PLCL2: variants seen among roughly 807,000 people sequenced by gnomAD.
PLCL2 encodes phospholipase C like 2.
PLCL2 carries 4 observed loss-of-function variants against 79.6 expected under a neutral mutation model. The observed-to-expected ratio is 0.05, with a 90% CI of 0.02 to 0.11. PLCL2 has a LOEUF of 0.11. Among genes scored for constraint, PLCL2 ranks in the 10% least tolerant of loss-of-function variants. The probability of loss-of-function intolerance (pLI) is 1.00; values close to 1 mark genes in which losing one functional copy is unlikely to be tolerated. For missense variants in PLCL2, 895 were observed against 1,291.0 expected, an observed-to-expected ratio of 0.69 and a Z score of 4.70; for synonymous variants, 484 against 457.7, an observed-to-expected ratio of 1.06 and a Z score of -0.73.
At chr3:16,946,525 A>C (rs1275169719) in intron 1 of PLCL2, among the ~76,000 whole-genome samples, 1 of 152,134 alleles carries the variant, frequency 6.6e-6, no homozygotes, top group Non-Finnish European at 1.5e-5. Context: ...TGTGGATTAA[A>C]TAGGCTTTTC....
At chr3:16,993,701 A>G (rs2064125989) in intron 1 of PLCL2, among the ~76,000 whole-genome samples, 1 of 152,224 alleles carries the variant, frequency 6.6e-6, no homozygotes, top group Admixed American at 6.5e-5. Context: ...TTAAGCTTGC[A>G]TTATAATACT....
intron 1 of PLCL2, among the ~76,000 whole-genome samples, chr3:16,947,135 T>TC (rs1451549992): frequency 6.6e-6 from 1 of 151,578 alleles, no homozygotes; most frequent in Admixed American, 6.6e-5. Context: ...TTATTTTTTT[T>TC]TTTTTAGAGA....
chr3:16,956,090 C>T (rs1204516343), intron 1 of PLCL2, among the ~76,000 whole-genome samples: 1 of 152,148 alleles, frequency 6.6e-6, no homozygotes, highest in African/African-American at 2.4e-5. Context: ...TGAGAGAGGG[C>T]ATGCCTGTCT....
chr3:17,043,062 A>G, intron 4 of PLCL2, 113 bp downstream of exon 4: 2 of 720,764 alleles, frequency 2.8e-6, no homozygotes, highest in Admixed American at 2.1e-5. Flanking sequence ...TAAGAAAATT[A>G]TTTTTCTATG....
At chr3:16,939,817 A>G (rs1316176330) in intron 1 of PLCL2, among the ~76,000 whole-genome samples, 3 of 152,186 alleles carry the variant, frequency 2.0e-5, no homozygotes, top group African/African-American at 7.2e-5. Context: ...ACGAAGTAAC[A>G]TATTTAGAAA....
chr3:17,072,890 G>C (rs1344125722), intron 5 of PLCL2, among the ~76,000 whole-genome samples: 1 of 152,184 alleles, frequency 6.6e-6, no homozygotes, highest in Non-Finnish European at 1.5e-5. Flanking sequence ...AGGGAAAAGA[G>C]ATAAAGCCAG....
At chr3:16,890,526 G>A (rs1696321502) in intron 1 of PLCL2, among the ~76,000 whole-genome samples, 1 of 152,204 alleles carries the variant, frequency 6.6e-6, no homozygotes, top group South Asian at 2.1e-4. Context: ...AATGAAGTAT[G>A]AACATTTATA....
Position 16,970,038 on chromosome 3 carries a change from T to TTATATATA in PLCL2, c.328-39622_328-39615dup, listed in dbSNP as rs71266500. ...TTTGAATGATTGTCTTGGCTTTGAT[T>TTATATATA]TATATATATATATATATATATTTTA... On this transcript the variant is annotated intron_variant, in intron 1 of 5. Transcript: ENST00000615277. Among the ~76,000 whole-genome samples, 895 of 135,834 alleles carry TTATATATA rather than the reference T, an allele frequency of 6.6e-3. 13 individuals carry two copies. The highest frequency in any genetic ancestry group is 0.023 in the African/African-American group (861 of 36,872). 89.1% of individuals were successfully genotyped at this position (135,834 alleles called of 152,430 possible).
intron 1 of PLCL2, among the ~76,000 whole-genome samples, chr3:16,913,936 A>G (rs1696937710): frequency 1.3e-5 from 2 of 152,234 alleles, no homozygotes; most frequent in South Asian, 4.1e-4. Flanking sequence ...AACACCCACT[A>G]TAATGTGTTT....
At chr3:17,004,284 C>A (rs1048113908) in intron 1 of PLCL2, among the ~76,000 whole-genome samples, 1 of 152,132 alleles carries the variant, frequency 6.6e-6, no homozygotes, top group East Asian at 1.9e-4. Flanking sequence ...TACTTGCCCC[C>A]ACTTCATGAC....
intron 1 of PLCL2, among the ~76,000 whole-genome samples, chr3:16,953,356 T>A (rs2124961233): frequency 6.6e-6 from 1 of 152,300 alleles, no homozygotes; most frequent in South Asian, 2.1e-4. Flanking sequence ...ACAGAAAACA[T>A]GAATTACATT....
chr3:16,992,871 C>T (rs2064118458), intron 1 of PLCL2, among the ~76,000 whole-genome samples: 1 of 152,222 alleles, frequency 6.6e-6, no homozygotes, highest in Non-Finnish European at 1.5e-5. Flanking sequence ...CCCAAAGATA[C>T]ACATGGCTGT....
Position 16,885,165 on chromosome 3 carries a change from C to T in PLCL2, c.126C>T (p.Leu42=), listed in dbSNP as rs1184902845. The change falls in exon 1 of 6, where the codon CTC becomes CTT. Residue 42 remains leucine, a synonymous_variant. Transcript: ENST00000615277. ...AAGGCGGTGGCGGGGGAGGTCGCCTCGGCCACGGGCGGGCGCGCTATGACA... is the reference window on the plus strand; with the variant it reads ...AAGGCGGTGGCGGGGGAGGTCGCCTTGGCCACGGGCGGGCGCGCTATGACA... The part of the protein sequence containing the change: ...VGEGGGGGGR[L]GHGRARYDSG... The T allele has an allele frequency of 3.7e-6, 2 of 534,262 alleles. No individual in the cohort carries two copies. Among genetic ancestry groups the T allele is most frequent in the East Asian group, 3.5e-5 (1 of 28,606 alleles). The allele number at this position is 534,262 out of a possible 1,614,324, so 33.1% of individuals were successfully genotyped here.
intron 1 of PLCL2, among the ~76,000 whole-genome samples, chr3:16,888,117 A>G (rs550571353): frequency 6.6e-6 from 1 of 152,308 alleles, no homozygotes; most frequent in African/African-American, 2.4e-5. Context: ...AGATCCTTAA[A>G]TCAGAGGGAG....
intron 5 of PLCL2, among the ~76,000 whole-genome samples, chr3:17,086,988 A>T (rs1168279891): frequency 1.3e-5 from 2 of 152,216 alleles, no homozygotes; most frequent in Non-Finnish European, 2.9e-5. Context: ...AAAATACAAA[A>T]CTAACATCAC....
At chr3:16,954,329 ATCCATG>A (rs1008994548) in intron 1 of PLCL2, among the ~76,000 whole-genome samples, 5 of 152,144 alleles carry the variant, frequency 3.3e-5, no homozygotes, top group Admixed American at 2.0e-4. Flanking sequence ...TTCCAGTTTC[ATCCATG>A]TCCCTGCAAA....
intron 1 of PLCL2, among the ~76,000 whole-genome samples, chr3:16,979,678 C>G (rs1182651927): frequency 6.9e-6 from 1 of 144,216 alleles, no homozygotes; most frequent in Non-Finnish European, 1.5e-5. Flanking sequence ...CAACAGGATC[C>G]CAAGGCAGAA....
Position 17,086,397 on chromosome 3 carries a change from C to T in PLCL2, c.3205-3336C>T, listed in dbSNP as rs144475115. Among the ~76,000 whole-genome samples the T allele has an allele frequency of 2.4e-3, 360 of 152,296 alleles. 2 individuals carry two copies. Among genetic ancestry groups the T allele is most frequent in the African/African-American group, 8.3e-3 (345 of 41,558 alleles). On this transcript the variant is annotated intron_variant, in intron 5 of 5. Transcript: ENST00000615277. ...TGGACATCCACATGAAAAATTCAGT[C>T]TAGGCACAAATCTTACACCCTTCAC...
intron 1 of PLCL2, among the ~76,000 whole-genome samples, chr3:16,897,728 C>T (rs1460381121): frequency 3.3e-5 from 5 of 152,208 alleles, no homozygotes; most frequent in South Asian, 4.1e-4. Flanking sequence ...TGGGTTGGCA[C>T]GTCATGACCT....
Sources: gnomAD v4.1 joint callset for allele counts (sites outside exome capture counted in the v4.1 genomes callset) on GRCh38, gnomAD v4.1.1 for gene constraint, MANE v1.5 for transcripts, NCBI Gene and HGNC (gene_info 2026-07-23, HGNC 2026-07-21) for gene names.